The following PRKCA variants were observed in gnomAD, a reference collection of about 807,000 sequenced individuals.
PRKCA encodes protein kinase C alpha type.
In PRKCA, 27 loss-of-function variants were observed where a neutral mutation model predicts 87.0. That is an observed-to-expected ratio of 0.31 (90% confidence interval 0.23 to 0.43). PRKCA has a LOEUF of 0.43. Among genes scored for constraint, PRKCA ranks in the 20% least tolerant of loss-of-function variants. The pLI, the probability that PRKCA is intolerant of heterozygous loss-of-function variation, is 1.00. For synonymous variants in PRKCA, 329 were observed against 311.1 expected (o/e 1.06, Z -0.61); for missense variants, 518 against 852.3 (o/e 0.61, Z 4.88).
rs146811562 is a variant in PRKCA, at chr17:66,365,627, G to T, written c.205+59500G>T. Among the ~76,000 whole-genome samples, 1,216 of 152,156 alleles carry T rather than the reference G, an allele frequency of 8.0e-3. 12 individuals carry two copies. Among genetic ancestry groups the T allele is most frequent in the Non-Finnish European group, 0.013 (859 of 68,004 alleles). ...GTATACTCTTTGGTACCTGGAATAA[G>T]TCCTGTGTAATCCTAAACGCTCAAT... On this transcript the variant is annotated intron_variant, in intron 2 of 16. Coordinates refer to ENST00000413366, the MANE Select transcript of PRKCA (RefSeq NM_002737.3).
intron 2 of PRKCA, 94 bp from the exon 3 acceptor site, chr17:66,496,107 A>G: frequency 1.1e-6 from 1 of 937,762 alleles, no homozygotes; most frequent in South Asian, 1.5e-5. Flanking sequence ...GTGAAATTAA[A>G]TTGACTTCTA....
Position 66,509,927 on chromosome 17 carries a change from C to G in PRKCA, c.288+13644C>G, listed in dbSNP as rs146344552. Among the ~76,000 whole-genome samples the G allele has an allele frequency of 1.1e-4, 17 of 152,222 alleles. No homozygotes were observed. In the East Asian group the frequency reaches 3.3e-3, roughly 29 times the overall value. On this transcript the variant is annotated intron_variant, in intron 3 of 16. Coordinates refer to ENST00000413366, the MANE Select transcript of PRKCA (RefSeq NM_002737.3). ...AATGAATGGAAAAAAAAAATGAAGT[C>G]TTTGATTCCCTAAAGAAAATGAAAA...
At chr17:66,654,654 T>C (rs984329966) in intron 5 of PRKCA, among the ~76,000 whole-genome samples, 3 of 152,192 alleles carry the variant, frequency 2.0e-5, no homozygotes, top group Non-Finnish European at 4.4e-5. Flanking sequence ...CACATTTCTA[T>C]CCTGCAATTA....
chr17:66,470,000 A>G (rs1915251772), intron 2 of PRKCA, among the ~76,000 whole-genome samples: 1 of 152,016 alleles, frequency 6.6e-6, no homozygotes, highest in Non-Finnish European at 1.5e-5. Flanking sequence ...CCAAGGGGTA[A>G]TTACCCCCAA....
chr17:66,522,070 C>A (rs887649072), intron 3 of PRKCA, among the ~76,000 whole-genome samples: 8 of 152,160 alleles, frequency 5.3e-5, no homozygotes, highest in African/African-American at 1.7e-4. Context: ...AGCTTCCACC[C>A]TGTATGACAG....
At chr17:66,700,452 A>G (rs1017988195) in intron 8 of PRKCA, among the ~76,000 whole-genome samples, 7 of 152,120 alleles carry the variant, frequency 4.6e-5, no homozygotes, top group African/African-American at 1.4e-4. Context: ...AGTTCTACCA[A>G]TGCACCTAGG....
At chr17:66,366,366 C>G (rs1271158613) in intron 2 of PRKCA, among the ~76,000 whole-genome samples, 1 of 152,154 alleles carries the variant, frequency 6.6e-6, no homozygotes, top group Non-Finnish European at 1.5e-5. Context: ...ATTAATTACT[C>G]TGTTTTCCAG....
intron 3 of PRKCA, among the ~76,000 whole-genome samples, chr17:66,581,077 G>A (rs1969415626): frequency 6.6e-6 from 1 of 152,240 alleles, no homozygotes. Flanking sequence ...GGATTCAGCA[G>A]TAATTAAAAT....
In PRKCA at chr17:66,774,259, C is replaced by G. The variant is rs555450965; in HGVS notation, c.1605+192C>G. On this transcript the variant is annotated intron_variant, in intron 14 of 16. Transcript: ENST00000413366. ...CGTTCAGTATGCACAGAAATTATCT[C>G]TGGTCATAGAAACTCCAAATTGAAA... 1.2e-5 allele frequency: 17 copies of G among 1,430,216 alleles called. No individual in the cohort carries two copies. The East Asian group carries it at 2.9e-4, about 24-fold the overall frequency. 88.6% of individuals were successfully genotyped at this position (1,430,216 alleles called of 1,614,324 possible).
At chr17:66,421,699 A>ATT (rs775159872) in intron 2 of PRKCA, among the ~76,000 whole-genome samples, 8 of 136,376 alleles carry the variant, frequency 5.9e-5, no homozygotes, top group Non-Finnish European at 9.5e-5. Context: ...GGCCTGGCTA[A>ATT]TTTTTTTTTT....
At chr17:66,402,599 T>C (rs1911100787) in intron 2 of PRKCA, among the ~76,000 whole-genome samples, 1 of 152,052 alleles carries the variant, frequency 6.6e-6, no homozygotes, top group Non-Finnish European at 1.5e-5. Flanking sequence ...GTTGGGACAA[T>C]TACTGTTCCC....
intron 3 of PRKCA, among the ~76,000 whole-genome samples, chr17:66,612,943 T>C (rs1445425122): frequency 6.6e-6 from 1 of 152,216 alleles, no homozygotes; most frequent in Non-Finnish European, 1.5e-5. Flanking sequence ...GTTTATTCAT[T>C]TGATATTCTC....
intron 3 of PRKCA, among the ~76,000 whole-genome samples, chr17:66,544,319 A>G (rs1968083938): frequency 1.3e-5 from 2 of 152,192 alleles, no homozygotes; most frequent in Non-Finnish European, 2.9e-5. Flanking sequence ...AAAATACTAT[A>G]AACACTAGTA....
chr17:66,787,040 C>T (rs1163514015), intron 15 of PRKCA, 66 bp downstream of exon 15: 17 of 1,192,668 alleles, frequency 1.4e-5, no homozygotes, highest in Non-Finnish European at 2.1e-5. Context: ...ATACTTTCCC[C>T]ACACTTCTAA....
intron 3 of PRKCA, among the ~76,000 whole-genome samples, chr17:66,520,814 A>G (rs1967136210): frequency 6.6e-6 from 1 of 152,184 alleles, no homozygotes; most frequent in African/African-American, 2.4e-5. Context: ...TTTCTTCCTA[A>G]ACTTATCAGG....
chr17:66,733,083 G>A (rs536762907), intron 9 of PRKCA, among the ~76,000 whole-genome samples: 75 of 150,972 alleles, frequency 5.0e-4, no homozygotes, highest in Admixed American at 4.0e-3. Flanking sequence ...CCTGGGAGGC[G>A]GAGCTTACAG....
intron 2 of PRKCA, among the ~76,000 whole-genome samples, chr17:66,433,696 C>T (rs1346711401): frequency 6.6e-6 from 1 of 152,198 alleles, no homozygotes. Flanking sequence ...AGGCACCCGT[C>T]ACCACGCCCT....
intron 8 of PRKCA, among the ~76,000 whole-genome samples, chr17:66,718,624 C>T (rs1973535331): frequency 1.3e-5 from 2 of 152,166 alleles, no homozygotes; most frequent in African/African-American, 4.8e-5. Flanking sequence ...CACCCAGCTT[C>T]CAAGGCCTCT....
intron 16 of PRKCA, among the ~76,000 whole-genome samples, chr17:66,802,168 C>T (rs1027011534): frequency 1.3e-5 from 2 of 151,912 alleles, no homozygotes; most frequent in African/African-American, 4.8e-5. Context: ...TGCAGTGAGT[C>T]GTGCTCCCAC....
Sources: gnomAD v4.1 joint callset for allele counts (sites outside exome capture counted in the v4.1 genomes callset) on GRCh38, gnomAD v4.1.1 for gene constraint, MANE v1.5 for transcripts, NCBI Gene and HGNC (gene_info 2026-07-23, HGNC 2026-07-21) for gene names.